CERS3: variants seen among roughly 807,000 people sequenced by gnomAD.
The protein encoded by CERS3 is LAG1 homolog, ceramide synthase 3.
Under a neutral mutation model 50.3 loss-of-function variants are expected in CERS3, and 33 were observed. That is an observed-to-expected ratio of 0.66 (90% CI 0.50 to 0.88). The LOEUF is 0.88. CERS3 is among the 40% of genes least tolerant of loss of function. The pLI is 0.00. For synonymous variants in CERS3, 176 were observed against 155.2 expected, an observed-to-expected ratio of 1.13 and a Z score of -0.99; for missense variants, 470 against 460.3, an observed-to-expected ratio of 1.02 and a Z score of -0.19.
intron 11 of CERS3, among the ~76,000 whole-genome samples, chr15:100,407,170 G>A (rs762119937): frequency 3.3e-5 from 5 of 152,106 alleles, no homozygotes; most frequent in African/African-American, 4.8e-5. Flanking sequence ...TCAGAACAAA[G>A]AACCTAATTT....
chr15:100,490,289 T>C (rs900350543), intron 4 of CERS3, among the ~76,000 whole-genome samples: 2 of 152,320 alleles, frequency 1.3e-5, no homozygotes, highest in East Asian at 3.9e-4. Context: ...TGAAGAGAAC[T>C]GTGACTCTTA....
chr15:100,503,734 T>A (rs751229999), intron 2 of CERS3: 1 of 470,980 alleles, frequency 2.1e-6, no homozygotes, highest in South Asian at 1.5e-5. Flanking sequence ...GGCAGTGGTG[T>A]GAAGCATGCC....
At chr15:100,442,624 G>A (rs113814386) in intron 11 of CERS3, among the ~76,000 whole-genome samples, 17 of 152,266 alleles carry the variant, frequency 1.1e-4, no homozygotes, top group Middle Eastern at 3.4e-3. Context: ...CTCCTAAGCC[G>A]TGTCCTGTCT....
intron 2 of CERS3, among the ~76,000 whole-genome samples, chr15:100,520,000 A>C (rs1460403799): frequency 1.3e-5 from 2 of 152,130 alleles, no homozygotes; most frequent in Non-Finnish European, 2.9e-5. Flanking sequence ...GTTCAAGGAG[A>C]CATGTACACC....
At chr15:100,533,025 G>A (rs11247221), upstream of CERS3, among the ~76,000 whole-genome samples, 10 of 151,636 alleles carry the variant, frequency 6.6e-5, no homozygotes, top group East Asian at 7.7e-4. Flanking sequence ...TCCCTTCCCC[G>A]CTCCACTCCG....
chr15:100,418,886 G>A (rs1267221820), intron 11 of CERS3, among the ~76,000 whole-genome samples: 1 of 151,766 alleles, frequency 6.6e-6, no homozygotes, highest in Non-Finnish European at 1.5e-5. Flanking sequence ...AATGCTGAGA[G>A]ATTTTGTCAC....
intron 8 of CERS3, among the ~76,000 whole-genome samples, chr15:100,473,419 C>A: frequency 6.6e-6 from 1 of 152,236 alleles, no homozygotes; most frequent in East Asian, 1.9e-4. Flanking sequence ...ATCTACACAA[C>A]CATTAAATAA....
intron 5 of CERS3, among the ~76,000 whole-genome samples, chr15:100,483,781 A>ATTTTTTTTTTTTTTTTTTTTTT (rs1267906519): frequency 2.6e-5 from 2 of 77,656 alleles, no homozygotes; most frequent in East Asian, 3.6e-4. Context: ...AATAATTATT[A>ATTTTTTTTTTTTTTTTTTTTTT]TTATTATTTT....
At chr15:100,439,558 G>A (rs913164623) in intron 11 of CERS3, among the ~76,000 whole-genome samples, 7 of 152,298 alleles carry the variant, frequency 4.6e-5, no homozygotes, top group East Asian at 1.9e-4. Context: ...AGAATCTGTC[G>A]CCTTAGTAAC....
chr15:100,505,096 T>A (rs1363044468), intron 2 of CERS3, among the ~76,000 whole-genome samples: 1 of 152,210 alleles, frequency 6.6e-6, no homozygotes, highest in Non-Finnish European at 1.5e-5. Flanking sequence ...AAGATATTTT[T>A]TTCCTAGAAG....
chr15:100,455,051 G>C (rs114934897), intron 11 of CERS3, among the ~76,000 whole-genome samples: 4 of 152,098 alleles, frequency 2.6e-5, no homozygotes, highest in Non-Finnish European at 5.9e-5. Context: ...TCTCACCCCA[G>C]TTAAAACTGT....
intron 2 of CERS3, among the ~76,000 whole-genome samples, chr15:100,506,470 C>CGCCCCACACG (rs1555533169): frequency 2.2e-5 from 3 of 133,512 alleles, no homozygotes; most frequent in Admixed American, 7.6e-5. Context: ...GACCCCCCCG[C>CGCCCCACACG]CGCCCCACAC....
chr15:100,519,023 G>A (rs756806875), intron 2 of CERS3, among the ~76,000 whole-genome samples: 4 of 152,172 alleles, frequency 2.6e-5, no homozygotes, highest in Non-Finnish European at 5.9e-5. Context: ...GCTGGGCGTG[G>A]TGGTGCGCAT....
At chr15:100,513,601 G>A (rs1334926561) in intron 2 of CERS3, among the ~76,000 whole-genome samples, 1 of 147,928 alleles carries the variant, frequency 6.8e-6, no homozygotes, top group Non-Finnish European at 1.5e-5. Context: ...TTAGTGGCAT[G>A]ATCATGGCTC....
chr15:100,503,069 T>C (rs2036060098), intron 2 of CERS3, among the ~76,000 whole-genome samples: 1 of 152,232 alleles, frequency 6.6e-6, no homozygotes, highest in South Asian at 2.1e-4. Context: ...TAGGCTGTGA[T>C]CATTTTGGAC....
Position 100,402,701 on chromosome 15 carries a change from G to A in CERS3, c.*12C>T. The A allele has an allele frequency of 6.2e-7, 1 of 1,613,186 alleles. No homozygotes were observed. Among genetic ancestry groups the A allele is most frequent in the South Asian group, 1.1e-5 (1 of 90,988 alleles). On this transcript the variant is annotated 3_prime_UTR_variant, in exon 12 of 12. Transcript: ENST00000679737. ...CAGCATGCTGTGCCATGGGAGTCCT[G>A]TAGGCTTCCAGCTAATGGCCATGCT...
intron 11 of CERS3, among the ~76,000 whole-genome samples, chr15:100,449,802 A>T (rs552696162): frequency 5.3e-5 from 8 of 152,366 alleles, no homozygotes; most frequent in African/African-American, 1.9e-4. Context: ...CCAGATGTGT[A>T]GATATCAATT....
chr15:100,482,359 G>A (rs1432425828), intron 5 of CERS3, among the ~76,000 whole-genome samples: 3 of 152,184 alleles, frequency 2.0e-5, no homozygotes, highest in African/African-American at 2.4e-5. Flanking sequence ...AATGGGCAGA[G>A]TGGTGAGAGA....
At chr15:100,508,892 A>G (rs1032710567) in intron 2 of CERS3, among the ~76,000 whole-genome samples, 1 of 152,182 alleles carries the variant, frequency 6.6e-6, no homozygotes, top group African/African-American at 2.4e-5. Context: ...CTCATGTAAA[A>G]ATATCAGAAG....
Sources: allele counts gnomAD v4.1 joint callset (sites outside exome capture counted in the v4.1 genomes callset), GRCh38; gene constraint gnomAD v4.1.1; transcripts MANE v1.5; gene names NCBI Gene and HGNC (gene_info 2026-07-23, HGNC 2026-07-21).